MED12L: variants seen among roughly 807,000 people sequenced by gnomAD.
MED12L encodes mediator of RNA polymerase II transcription subunit 12-like protein.
A neutral mutation model predicts 281.3 loss-of-function variants in MED12L; 60 were observed. That is an observed-to-expected ratio of 0.21 (90% CI 0.17 to 0.26). The LOEUF (loss-of-function observed/expected upper bound fraction) is 0.26, where lower values mean the gene tolerates loss of function less well. Among genes scored for constraint, MED12L ranks in the 10% least tolerant of loss-of-function variants. The pLI is 1.00. For missense variants in MED12L, 2,146 were observed against 2,680.9 expected (o/e 0.80, Z 4.41); for synonymous variants, 974 against 987.2 (o/e 0.99, Z 0.25).
At chr3:151,261,346 T>C (rs1170853604) in intron 16 of MED12L, 1 of 152,122 alleles carries the variant, frequency 6.6e-6, no homozygotes, top group Non-Finnish European at 1.5e-5. Context: ...AGGAATATGA[T>C]AATATTTGCA....
intron 16 of MED12L, among the ~76,000 whole-genome samples, chr3:151,249,349 A>G (rs961648186): frequency 1.3e-4 from 20 of 152,234 alleles, no homozygotes; most frequent in African/African-American, 4.8e-4. Context: ...ACATGGTTTC[A>G]AACTAATTCC....
intron 16 of MED12L, among the ~76,000 whole-genome samples, chr3:151,248,476 G>A (rs1183745132): frequency 6.6e-6 from 1 of 151,926 alleles, no homozygotes; most frequent in African/African-American, 2.4e-5. Context: ...TTCTTTATTG[G>A]ACTGTCTTTG....
chr3:151,292,507 T>TA (rs1187543973), intron 16 of MED12L, among the ~76,000 whole-genome samples: 4 of 151,928 alleles, frequency 2.6e-5, no homozygotes, highest in African/African-American at 7.3e-5. Context: ...CAGGCTGGTC[T>TA]CGAGCTCCTG....
intron 26 of MED12L, among the ~76,000 whole-genome samples, chr3:151,371,832 C>T (rs898480214): frequency 3.9e-5 from 6 of 152,148 alleles, no homozygotes; most frequent in African/African-American, 1.4e-4. Context: ...TCTCTCATGG[C>T]TAGAGTTTTC....
intron 2 of MED12L, among the ~76,000 whole-genome samples, chr3:151,098,090 G>T (rs1353599758): frequency 6.6e-6 from 1 of 152,214 alleles, no homozygotes; most frequent in African/African-American, 2.4e-5. Context: ...ATGGTGCGGG[G>T]CATCCAGGGG....
chr3:151,331,265 G>A (rs1167945587), intron 16 of MED12L, among the ~76,000 whole-genome samples: 1 of 152,200 alleles, frequency 6.6e-6, no homozygotes, highest in Non-Finnish European at 1.5e-5. Flanking sequence ...GTTTACAGCA[G>A]CACTATTGCC....
intron 40 of MED12L, among the ~76,000 whole-genome samples, chr3:151,409,536 C>G (rs576871009): frequency 6.6e-6 from 1 of 152,292 alleles, no homozygotes; most frequent in East Asian, 1.9e-4. Context: ...ATAAAACATT[C>G]TAGAAAACCC....
At chr3:151,252,132 G>A (rs1001012512) in intron 16 of MED12L, among the ~76,000 whole-genome samples, 1 of 152,038 alleles carries the variant, frequency 6.6e-6, no homozygotes, top group Non-Finnish European at 1.5e-5. Context: ...CCCTATGCAG[G>A]ATAAACTCAC....
chr3:151,210,767 C>T (rs776931490), intron 16 of MED12L, among the ~76,000 whole-genome samples: 12 of 152,296 alleles, frequency 7.9e-5, no homozygotes, highest in South Asian at 2.1e-4. Context: ...TGTGACTTTT[C>T]GTATCTTGAA....
intron 11 of MED12L, among the ~76,000 whole-genome samples, chr3:151,172,191 A>C (rs1029459213): frequency 1.3e-5 from 2 of 152,090 alleles, no homozygotes; most frequent in Admixed American, 6.6e-5. Context: ...AGTTTAGTGT[A>C]TTTCTTTAGG....
intron 5 of MED12L, among the ~76,000 whole-genome samples, chr3:151,143,232 A>G (rs777609676): frequency 5.9e-5 from 9 of 152,150 alleles, no homozygotes; most frequent in Admixed American, 1.3e-4. Context: ...ATCTGGCAAT[A>G]TGATGTCTGT....
intron 17 of MED12L, 80 bp downstream of exon 17, chr3:151,350,286 A>G (rs534428353): frequency 5.0e-6 from 7 of 1,401,184 alleles, no homozygotes; most frequent in East Asian, 2.3e-5. Context: ...AAAGTGTTCT[A>G]TGTCACTGTC....
chr3:151,248,222 C>T (rs1288002336), intron 16 of MED12L, among the ~76,000 whole-genome samples: 2 of 151,918 alleles, frequency 1.3e-5, no homozygotes, highest in African/African-American at 4.8e-5. Flanking sequence ...AAACCTAAGA[C>T]ACTAATAAAA....
At chr3:151,336,630 C>G (rs779649537) in intron 16 of MED12L, 2 of 443,756 alleles carry the variant, frequency 4.5e-6, no homozygotes, top group Non-Finnish European at 4.5e-6. Flanking sequence ...GCGAATATGC[C>G]TTGTGTAGAA....
intron 11 of MED12L, among the ~76,000 whole-genome samples, chr3:151,169,117 T>TTG (rs1553821104): frequency 8.9e-5 from 13 of 145,830 alleles, no homozygotes; most frequent in African/African-American, 3.1e-4. Context: ...TTTTTTTTTT[T>TTG]TTTTGTTTTT....
intron 16 of MED12L, among the ~76,000 whole-genome samples, chr3:151,210,156 A>G (rs930576379): frequency 1.3e-5 from 2 of 152,230 alleles, no homozygotes; most frequent in South Asian, 2.1e-4. Context: ...TCAGAAGCCT[A>G]GAACTTGCTC....
chr3:151,087,123 G>A (rs779032179), intron 2 of MED12L, 98 bp downstream of exon 2: 634 of 965,804 alleles, frequency 6.6e-4, no homozygotes, highest in Middle Eastern at 3.0e-3. Flanking sequence ...CGCTGCGGTG[G>A]AAGAGGTCGG....
intron 16 of MED12L, among the ~76,000 whole-genome samples, chr3:151,346,505 T>A (rs1220127990): frequency 6.6e-6 from 1 of 152,190 alleles, no homozygotes; most frequent in Non-Finnish European, 1.5e-5. Context: ...TTAGAGAAAC[T>A]TCTTCTCCTT....
chr3:151,166,046 A>G, intron 11 of MED12L, 64 bp downstream of exon 11: 1 of 1,444,854 alleles, frequency 6.9e-7, no homozygotes, highest in Non-Finnish European at 9.5e-7. Flanking sequence ...CTTCTTTCTC[A>G]TTCAGGAAAC....
Sources: allele counts gnomAD v4.1 joint callset (sites outside exome capture counted in the v4.1 genomes callset), GRCh38; gene constraint gnomAD v4.1.1; transcripts MANE v1.5; gene names NCBI Gene and HGNC (gene_info 2026-07-23, HGNC 2026-07-21).